Variants in SLC35D4 observed in about 807,000 individuals in gnomAD.
The protein encoded by SLC35D4 is UDP-N-acetylglucosamine transporter SLC35D4.
the SLC35D4 span, among the ~76,000 whole-genome samples, chr18:23,246,517 A>G: frequency 2.1e-3 from 319 of 151,656 alleles, 1 homozygote; most frequent in South Asian, 6.7e-3. Flanking sequence ...TCAGCCTCCC[A>G]AGTAGCTGGG....
At chr18:23,398,822 T>C in the SLC35D4 span, among the ~76,000 whole-genome samples, 1 of 152,336 alleles carries the variant, frequency 6.6e-6, no homozygotes, top group East Asian at 1.9e-4. Flanking sequence ...TTGCACATTC[T>C]GCACTTTCCC....
the SLC35D4 span, among the ~76,000 whole-genome samples, chr18:23,363,366 T>TC: frequency 1.5e-5 from 1 of 68,394 alleles, no homozygotes; most frequent in South Asian, 5.9e-4. Flanking sequence ...AAAAGCACAT[T>TC]TTTTTTTTTT....
the SLC35D4 span, chr18:23,259,154 C>T: frequency 6.6e-6 from 1 of 152,246 alleles, no homozygotes; most frequent in Non-Finnish European, 1.5e-5. Context: ...TGCCCTTGGC[C>T]TTCCTCACAT....
the SLC35D4 span, among the ~76,000 whole-genome samples, chr18:23,331,932 G>A: frequency 6.7e-6 from 1 of 148,218 alleles, no homozygotes; most frequent in Non-Finnish European, 1.5e-5. Context: ...GTTGCCCAGG[G>A]TAGAGTGTGG....
chr18:23,247,572 G>T, the SLC35D4 span, among the ~76,000 whole-genome samples: 2 of 152,226 alleles, frequency 1.3e-5, no homozygotes, highest in Admixed American at 6.5e-5. Flanking sequence ...GGTGCCTGCC[G>T]CTGTCGACAT....
At chr18:23,289,140 A>ATACATGTC in the SLC35D4 span, among the ~76,000 whole-genome samples, 1 of 152,172 alleles carries the variant, frequency 6.6e-6, no homozygotes, top group East Asian at 1.9e-4. Flanking sequence ...TCAACTACTC[A>ATACATGTC]TACATGTCCT....
At chr18:23,343,086 A>G in the SLC35D4 span, among the ~76,000 whole-genome samples, 1 of 150,502 alleles carries the variant, frequency 6.6e-6, no homozygotes, top group Non-Finnish European at 1.5e-5. Context: ...CCACACCCAG[A>G]TAATTTTTGT....
chr18:23,363,376 T>A, the SLC35D4 span, among the ~76,000 whole-genome samples: 1 of 112,204 alleles, frequency 8.9e-6, no homozygotes, highest in Non-Finnish European at 1.9e-5. Context: ...TTTTTTTTTT[T>A]TTTTTTTTTT....
the SLC35D4 span, among the ~76,000 whole-genome samples, chr18:23,269,425 A>G: frequency 6.6e-6 from 1 of 152,236 alleles, no homozygotes; most frequent in Non-Finnish European, 1.5e-5. Context: ...CTGAACTGTG[A>G]GTCAATTAAA....
chr18:23,408,961 C>T, the SLC35D4 span, among the ~76,000 whole-genome samples: 1 of 151,782 alleles, frequency 6.6e-6, no homozygotes, highest in African/African-American at 2.4e-5. Flanking sequence ...ATAGTGAAAC[C>T]CTGTCTCTAC....
the SLC35D4 span, among the ~76,000 whole-genome samples, chr18:23,359,981 C>T: frequency 1.3e-5 from 2 of 152,206 alleles, no homozygotes; most frequent in African/African-American, 4.8e-5. Context: ...GCATGAAGAA[C>T]TGTCTGCCTG....
chr18:23,430,918 G>A, the SLC35D4 span, among the ~76,000 whole-genome samples: 1 of 152,106 alleles, frequency 6.6e-6, no homozygotes, highest in Non-Finnish European at 1.5e-5. Context: ...CACTTTGGGA[G>A]GGTGAGGCAG....
the SLC35D4 span, among the ~76,000 whole-genome samples, chr18:23,371,901 G>C: frequency 7.7e-6 from 1 of 129,732 alleles, no homozygotes; most frequent in African/African-American, 2.8e-5. Context: ...AGTATCATAG[G>C]ACACATCCTA....
chr18:23,245,239 G>A, the SLC35D4 span, among the ~76,000 whole-genome samples: 2 of 152,192 alleles, frequency 1.3e-5, no homozygotes, highest in Non-Finnish European at 2.9e-5. Flanking sequence ...CGGGCGTAGT[G>A]CCTCATGCCT....
the SLC35D4 span, chr18:23,399,521 G>T: frequency 1.3e-6 from 2 of 1,575,764 alleles, no homozygotes; most frequent in Admixed American, 1.7e-5. Context: ...AAGGCAAAGG[G>T]GAAAGGGAGA....
At chr18:23,430,662 A>T in the SLC35D4 span, 1 of 1,612,868 alleles carries the variant, frequency 6.2e-7, no homozygotes, top group Non-Finnish European at 8.5e-7. Flanking sequence ...GTAAATTTCA[A>T]GACAGACAGC....
At chr18:23,354,844 A>G in the SLC35D4 span, among the ~76,000 whole-genome samples, 9 of 152,188 alleles carry the variant, frequency 5.9e-5, no homozygotes, top group Admixed American at 5.2e-4. Flanking sequence ...CTTAACTTCT[A>G]TGTCTGTGAC....
the SLC35D4 span, among the ~76,000 whole-genome samples, chr18:23,371,926 G>GTTTTTTTTTTT: frequency 4.8e-3 from 57 of 11,780 alleles, 1 homozygote; most frequent in African/African-American, 0.013. Context: ...TTTCTTCCTT[G>GTTTTTTTTTTT]TTTTTTTTGT....
At chr18:23,382,684 C>T in the SLC35D4 span, among the ~76,000 whole-genome samples, 2 of 152,170 alleles carry the variant, frequency 1.3e-5, no homozygotes, top group African/African-American at 2.4e-5. Flanking sequence ...GGAAACTGCA[C>T]GATGGTGTTG....
Sources: gnomAD v4.1 joint callset for allele counts (sites outside exome capture counted in the v4.1 genomes callset) on GRCh38, gnomAD v4.1.1 for gene constraint, MANE v1.5 for transcripts, NCBI Gene and HGNC (gene_info 2026-07-23, HGNC 2026-07-21) for gene names.